BACE2: variants seen among roughly 807,000 people sequenced by gnomAD.
BACE2 encodes the protein 56 kDa aspartic-like protease.
A neutral mutation model predicts 46.2 loss-of-function variants in BACE2; 17 were observed. The ratio of observed to expected loss-of-function variants is 0.37; its 90% CI spans 0.25 to 0.55. The LOEUF (loss-of-function observed/expected upper bound fraction) is 0.55, where lower values mean the gene tolerates loss of function less well. Ranked by LOEUF, BACE2 falls within the 20% of genes least tolerant of loss-of-function variation. BACE2 has a pLI of 0.82. For synonymous variants in BACE2, 277 were observed against 295.9 expected (o/e 0.94, Z 0.66); for missense variants, 595 against 698.1 (o/e 0.85, Z 1.66).
intron 2 of BACE2, among the ~76,000 whole-genome samples, chr21:41,231,034 G>A (rs1301876018): frequency 1.3e-5 from 2 of 152,160 alleles, no homozygotes; most frequent in Non-Finnish European, 2.9e-5. Context: ...AGCTCACAGA[G>A]CAAGAGACCA....
intron 1 of BACE2, among the ~76,000 whole-genome samples, chr21:41,212,407 G>A (rs1986327626): frequency 6.6e-6 from 1 of 152,136 alleles, no homozygotes; most frequent in African/African-American, 2.4e-5. Flanking sequence ...ACAAAGTTAG[G>A]GGTCAGGGCA....
At chr21:41,266,585 ATGGG>A (rs1988073569) in intron 8 of BACE2, among the ~76,000 whole-genome samples, 2 of 152,252 alleles carry the variant, frequency 1.3e-5, no homozygotes, top group Non-Finnish European at 2.9e-5. Context: ...TCCATTTCTC[ATGGG>A]AGAGTTTCTT....
chr21:41,258,288 G>C (rs2123631041), intron 8 of BACE2, among the ~76,000 whole-genome samples: 1 of 152,304 alleles, frequency 6.6e-6, no homozygotes, highest in South Asian at 2.1e-4. Flanking sequence ...ACAAAATTTG[G>C]GAATCGATAG....
intron 1 of BACE2, among the ~76,000 whole-genome samples, chr21:41,216,687 C>T (rs527998697): frequency 1.3e-5 from 2 of 152,290 alleles, no homozygotes; most frequent in East Asian, 1.9e-4. Flanking sequence ...TGGAGAGAGT[C>T]CCCCTGTCAC....
chr21:41,237,246 G>A (rs1335192295), intron 2 of BACE2, among the ~76,000 whole-genome samples: 1 of 152,104 alleles, frequency 6.6e-6, no homozygotes, highest in Non-Finnish European at 1.5e-5. Context: ...AAGAGATCGA[G>A]ACCATCCTGG....
intron 3 of BACE2, 57 bp downstream of exon 3, chr21:41,237,786 C>T: frequency 6.7e-7 from 1 of 1,492,654 alleles, no homozygotes; most frequent in Non-Finnish European, 9.3e-7. Flanking sequence ...TTCTGAAAAT[C>T]AGTCATTAAA....
intron 1 of BACE2, among the ~76,000 whole-genome samples, chr21:41,202,829 A>T (rs192168082): frequency 1.7e-4 from 26 of 152,304 alleles, no homozygotes; most frequent in African/African-American, 6.0e-4. Flanking sequence ...TATGGATTCC[A>T]GGCACCATTC....
chr21:41,265,515 G>A (rs1376903174), intron 8 of BACE2, among the ~76,000 whole-genome samples: 4 of 152,086 alleles, frequency 2.6e-5, no homozygotes, highest in African/African-American at 9.7e-5. Context: ...GGTGAAAAAT[G>A]ATGATCTCGG....
chr21:41,246,764 A>G (rs1987481563), intron 6 of BACE2, among the ~76,000 whole-genome samples: 1 of 152,206 alleles, frequency 6.6e-6, no homozygotes, highest in Admixed American at 6.5e-5. Flanking sequence ...GATACAGGAC[A>G]GCTTTGGGGA....
At chr21:41,250,723 G>T in intron 6 of BACE2, 29 bp from the exon 7 acceptor site, 2 of 1,612,128 alleles carry the variant, frequency 1.2e-6, no homozygotes. Flanking sequence ...GACTAGTCAT[G>T]GTTTCTGATG....
At chr21:41,223,647 T>C (rs1277223235) in intron 1 of BACE2, among the ~76,000 whole-genome samples, 1 of 152,228 alleles carries the variant, frequency 6.6e-6, no homozygotes, top group East Asian at 1.9e-4. Flanking sequence ...GGTCCTCACC[T>C]TCACTTGATT....
intron 1 of BACE2, chr21:41,184,022 C>G (rs533430266): frequency 1.2e-5 from 2 of 167,072 alleles, no homozygotes; most frequent in South Asian, 2.1e-4. Flanking sequence ...TTGGCTATTT[C>G]TTTTTACTCC....
rs74277796 is a variant in BACE2, at chr21:41,281,853, C to G, written c.*6229C>G. 4.3e-4 allele frequency: 66 copies of G among 152,186 alleles called. 1 individual carries two copies. The East Asian group carries it at 0.011, about 26-fold the overall frequency. 9.4% of individuals were successfully genotyped at this position (152,186 alleles called of 1,614,324 possible). A position where few individuals can be genotyped will look rare whatever the true frequency, so the allele number is the denominator to read the frequency against. On this transcript the variant is annotated 3_prime_UTR_variant, in exon 9 of 9. Coordinates refer to ENST00000330333, the MANE Select transcript of BACE2 (RefSeq NM_012105.5). ...TAGATGTCATCTCTCACATTTATAT[C>G]AGTGAGGTTTGAAATTCTGTGTAGC...
rs141536296 is a variant in BACE2, at chr21:41,184,819, G to A, written c.312+16244G>A. 245 of 167,200 alleles carry A rather than the reference G, an allele frequency of 1.5e-3. 1 individual carries two copies. The highest frequency in any genetic ancestry group is 0.014 in the Middle Eastern group (4 of 296). The allele number at this position is 167,200 out of a possible 1,614,324, so 10.4% of individuals were successfully genotyped here. ...ATGCATGGCATTCTAATGCCTGGAAGTAACGTGATCCAGTATAGAGCCATA... is the reference window on the plus strand; with the variant it reads ...ATGCATGGCATTCTAATGCCTGGAAATAACGTGATCCAGTATAGAGCCATA... On this transcript the variant is annotated intron_variant, in intron 1 of 8. Transcript: ENST00000330333.
intron 1 of BACE2, chr21:41,180,199 T>C (rs1325722107): frequency 4.7e-6 from 1 of 214,074 alleles, no homozygotes; most frequent in Non-Finnish European, 1.0e-5. Flanking sequence ...AGAGCCATGG[T>C]GAACTGACTT....
At chr21:41,170,892 CCCACCCA>C (rs976901270) in intron 1 of BACE2, among the ~76,000 whole-genome samples, 15 of 152,280 alleles carry the variant, frequency 9.9e-5, no homozygotes, top group Admixed American at 7.2e-4. Flanking sequence ...CCCAGGAATC[CCCACCCA>C]CCACCCACCA....
intron 7 of BACE2, among the ~76,000 whole-genome samples, chr21:41,255,309 G>C (rs372279468): frequency 6.6e-6 from 1 of 152,166 alleles, no homozygotes; most frequent in African/African-American, 2.4e-5. Flanking sequence ...ATCACGGGGT[G>C]ACCTAGGGCC....
chr21:41,179,663 G>C (rs1985033380), intron 1 of BACE2: 2 of 1,349,878 alleles, frequency 1.5e-6, no homozygotes, highest in Non-Finnish European at 2.0e-6. Context: ...TTAGATTTTA[G>C]TAGAACAAAG....
intron 1 of BACE2, among the ~76,000 whole-genome samples, chr21:41,171,262 G>C (rs1217566393): frequency 6.6e-6 from 1 of 152,270 alleles, no homozygotes; most frequent in Non-Finnish European, 1.5e-5. Flanking sequence ...ACAGAATGAA[G>C]GGCTGGATCC....
Sources: allele counts gnomAD v4.1 joint callset (sites outside exome capture counted in the v4.1 genomes callset), GRCh38; gene constraint gnomAD v4.1.1; transcripts MANE v1.5; gene names NCBI Gene and HGNC (gene_info 2026-07-23, HGNC 2026-07-21).